RSPH14: variants seen among roughly 807,000 people sequenced by gnomAD.
The protein encoded by RSPH14 is rhabdoid tumor deletion region gene 1.
Under a neutral mutation model 26.7 loss-of-function variants are expected in RSPH14, and 20 were observed. The ratio of observed to expected loss-of-function variants is 0.75; its 90% CI spans 0.53 to 1.09. RSPH14 has a LOEUF of 1.09. RSPH14 is among the 50% of genes least tolerant of loss of function. RSPH14 has a pLI of 0.00. For synonymous variants in RSPH14, 177 were observed against 189.3 expected (o/e 0.93, Z 0.53); for missense variants, 449 against 457.2 (o/e 0.98, Z 0.16).
the RSPH14 span, chr22:23,160,926 G>A: frequency 1.7e-5 from 28 of 1,613,788 alleles, no homozygotes; most frequent in Non-Finnish European, 2.1e-5. Context: ...CCTGGCATTC[G>A]AGCAGTCGGT....
intron 4 of RSPH14, among the ~76,000 whole-genome samples, chr22:23,112,039 G>C (rs962057097): frequency 6.6e-6 from 1 of 152,170 alleles, no homozygotes; most frequent in East Asian, 1.9e-4. Flanking sequence ...TGGAGCCTTG[G>C]GGGTAACCAG....
At chr22:23,060,747 C>A (rs867244988) in intron 6 of RSPH14, among the ~76,000 whole-genome samples, 2 of 152,150 alleles carry the variant, frequency 1.3e-5, no homozygotes, top group African/African-American at 4.8e-5. Context: ...GTTTGCCCCA[C>A]CCATGCTGGG....
chr22:23,119,966 G>A (rs2069964534), intron 4 of RSPH14, among the ~76,000 whole-genome samples: 1 of 152,204 alleles, frequency 6.6e-6, no homozygotes, highest in Non-Finnish European at 1.5e-5. Flanking sequence ...GCCTGAGCCT[G>A]AAATGCCTGC....
chr22:23,163,390 G>A, the RSPH14 span: 77,441 of 151,684 alleles, frequency 0.51, 19,913 homozygotes, highest in East Asian at 0.64. Context: ...TGACCATGCC[G>A]GGCTAATTTT....
intron 4 of RSPH14, among the ~76,000 whole-genome samples, chr22:23,093,344 T>TTCCC (rs1203060409): frequency 6.6e-6 from 1 of 152,188 alleles, no homozygotes; most frequent in Non-Finnish European, 1.5e-5. Context: ...CATTGATTCC[T>TTCCC]TCCCTCCCTC....
At chr22:23,138,702 C>T in intron 3 of RSPH14, 138 bp downstream of exon 3, 1 of 684,110 alleles carries the variant, frequency 1.5e-6, no homozygotes, top group South Asian at 2.0e-5. Context: ...AAGAGTCCTG[C>T]TCTGGCTAAA....
At chr22:23,095,965 C>T in intron 4 of RSPH14, 2 of 1,611,780 alleles carry the variant, frequency 1.2e-6, no homozygotes, top group Non-Finnish European at 1.7e-6. Context: ...CCCTGGCCGC[C>T]CTCAGGATCG....
At chr22:23,060,725 C>T (rs571436384) in intron 6 of RSPH14, among the ~76,000 whole-genome samples, 2 of 152,272 alleles carry the variant, frequency 1.3e-5, no homozygotes, top group South Asian at 4.1e-4. Flanking sequence ...CCAGAGGCGA[C>T]TTGTCCCCTG....
chr22:23,076,623 G>A (rs547763032), intron 4 of RSPH14, among the ~76,000 whole-genome samples: 20 of 152,336 alleles, frequency 1.3e-4, no homozygotes, highest in African/African-American at 3.8e-4. Flanking sequence ...CAGATGCCTC[G>A]GGCTGACGCC....
chr22:23,093,702 C>T (rs2069049597), intron 4 of RSPH14, among the ~76,000 whole-genome samples: 1 of 152,220 alleles, frequency 6.6e-6, no homozygotes, highest in Non-Finnish European at 1.5e-5. Context: ...CCAGAGGCCA[C>T]ACAACCTGGG....
At chr22:23,146,772 C>A, upstream of RSPH14, 1 of 1,529,410 alleles carries the variant, frequency 6.5e-7, no homozygotes. Flanking sequence ...AGAAGTAAAG[C>A]AGGTGAATCA....
At chr22:23,074,246 G>C (rs1052080598) in intron 4 of RSPH14, among the ~76,000 whole-genome samples, 7 of 152,320 alleles carry the variant, frequency 4.6e-5, no homozygotes, top group South Asian at 2.1e-4. Context: ...AGGCTAGGGT[G>C]GGGTAAGGCT....
intron 4 of RSPH14, among the ~76,000 whole-genome samples, chr22:23,090,824 A>G (rs1165459406): frequency 1.3e-5 from 2 of 151,994 alleles, no homozygotes; most frequent in Non-Finnish European, 2.9e-5. Context: ...CTGCTTATTT[A>G]CTGCCTGTAG....
At chr22:23,079,473 A>T (rs2068611555) in intron 4 of RSPH14, among the ~76,000 whole-genome samples, 1 of 152,138 alleles carries the variant, frequency 6.6e-6, no homozygotes. Flanking sequence ...GAGGGGGAGC[A>T]TGGGCGTGGG....
chr22:23,079,170 G>A (rs557756015), intron 4 of RSPH14, among the ~76,000 whole-genome samples: 29 of 152,338 alleles, frequency 1.9e-4, no homozygotes, highest in Admixed American at 1.8e-3. Flanking sequence ...AACACTCTAA[G>A]TAAATTATAC....
intron 4 of RSPH14, among the ~76,000 whole-genome samples, chr22:23,120,872 TTAA>T (rs1457253434): frequency 1.3e-5 from 2 of 152,184 alleles, no homozygotes; most frequent in Non-Finnish European, 2.9e-5. Context: ...GCTCAGTAAA[TTAA>T]TAATACGTGC....
intron 4 of RSPH14, among the ~76,000 whole-genome samples, chr22:23,089,001 G>A (rs758403892): frequency 4.6e-5 from 7 of 152,200 alleles, no homozygotes; most frequent in Non-Finnish European, 8.8e-5. Context: ...CTCCCTGGGG[G>A]CAGGGTCTGT....
At chr22:23,122,144 T>C (rs2070048573) in intron 4 of RSPH14, among the ~76,000 whole-genome samples, 1 of 152,214 alleles carries the variant, frequency 6.6e-6, no homozygotes, top group African/African-American at 2.4e-5. Context: ...CAGCAGCAAA[T>C]TCCAGGTAGT....
At chr22:23,154,195 A>C in the RSPH14 span, among the ~76,000 whole-genome samples, 3 of 146,954 alleles carry the variant, frequency 2.0e-5, no homozygotes, top group Admixed American at 6.7e-5. Context: ...CCTCACCTCT[A>C]CTCTCCTGTG....
Sources: gnomAD v4.1 joint callset for allele counts (sites outside exome capture counted in the v4.1 genomes callset) on GRCh38, gnomAD v4.1.1 for gene constraint, MANE v1.5 for transcripts, NCBI Gene and HGNC (gene_info 2026-07-23, HGNC 2026-07-21) for gene names.